Variants in NBAS observed in about 807,000 individuals in gnomAD.
NBAS encodes the protein NBAS subunit of NRZ tethering complex.
Under a neutral mutation model 302.5 loss-of-function variants are expected in NBAS, and 219 were observed. The observed-to-expected ratio is 0.72, with a 90% CI of 0.65 to 0.81. NBAS has a LOEUF of 0.81. Ranked by LOEUF, NBAS falls within the 30% of genes least tolerant of loss-of-function variation. The pLI is 0.00. For synonymous variants in NBAS, 1,118 were observed against 1,021.6 expected, an observed-to-expected ratio of 1.09 and a Z score of -1.80; for missense variants, 2,932 against 2,841.6, an observed-to-expected ratio of 1.03 and a Z score of -0.72.
intron 47 of NBAS, 111 bp from the exon 48 acceptor site, chr2:15,219,079 T>C: frequency 7.4e-7 from 1 of 1,353,496 alleles, no homozygotes; most frequent in Non-Finnish European, 1.0e-6. Context: ...ATGACTTCGT[T>C]TTTTTCCTCT....
the NBAS span, among the ~76,000 whole-genome samples, chr2:14,839,034 T>C: frequency 4.3e-4 from 65 of 152,062 alleles, 1 homozygote; most frequent in African/African-American, 1.4e-3. Flanking sequence ...AAAGGGCACA[T>C]GTGAGGACTT....
chr2:14,829,954 C>T, the NBAS span, among the ~76,000 whole-genome samples: 1 of 152,090 alleles, frequency 6.6e-6, no homozygotes, highest in South Asian at 2.1e-4. Context: ...CTTTCAGTTG[C>T]AAGTAACAGA....
intron 30 of NBAS, among the ~76,000 whole-genome samples, chr2:15,378,163 C>T (rs1306464615): frequency 6.6e-6 from 1 of 152,050 alleles, no homozygotes; most frequent in Non-Finnish European, 1.5e-5. Context: ...AAACTCAGGG[C>T]CTCAGAAAAA....
chr2:15,128,963 G>A, the NBAS span, among the ~76,000 whole-genome samples: 3 of 152,202 alleles, frequency 2.0e-5, no homozygotes, highest in Non-Finnish European at 4.4e-5. Context: ...GAGATAGAGG[G>A]AAAGGGTCCA....
At chr2:14,842,869 T>G in the NBAS span, among the ~76,000 whole-genome samples, 1 of 143,756 alleles carries the variant, frequency 7.0e-6, no homozygotes, top group Non-Finnish European at 1.5e-5. Flanking sequence ...AAAAAACATA[T>G]ACAGCAATAT....
chr2:15,216,059 C>T (rs1398408922), intron 48 of NBAS, among the ~76,000 whole-genome samples: 3 of 152,104 alleles, frequency 2.0e-5, no homozygotes, highest in African/African-American at 7.2e-5. Context: ...GTCATTTTCC[C>T]CCATCAAATG....
the NBAS span, among the ~76,000 whole-genome samples, chr2:14,824,574 T>C: frequency 6.6e-6 from 1 of 152,134 alleles, no homozygotes; most frequent in Non-Finnish European, 1.5e-5. Flanking sequence ...CAGCAGCAGC[T>C]TATTAAAAAT....
At chr2:15,343,220 C>T (rs1214563171) in intron 35 of NBAS, among the ~76,000 whole-genome samples, 2 of 152,136 alleles carry the variant, frequency 1.3e-5, no homozygotes, top group African/African-American at 4.8e-5. Context: ...CCTTCACTGG[C>T]TCCATGTATG....
At chr2:15,163,035 C>T (rs1353828376), downstream of NBAS, among the ~76,000 whole-genome samples, 10 of 152,214 alleles carry the variant, frequency 6.6e-5, no homozygotes, top group Non-Finnish European at 1.3e-4. Context: ...TCTCGTGCCA[C>T]GGGCCTGCCG....
chr2:14,934,255 C>T, the NBAS span, among the ~76,000 whole-genome samples: 3 of 152,266 alleles, frequency 2.0e-5, no homozygotes, highest in Middle Eastern at 3.4e-3. Context: ...TTCTTTATGA[C>T]TTTTAAATAT....
chr2:14,927,028 G>T, the NBAS span, among the ~76,000 whole-genome samples: 1 of 152,220 alleles, frequency 6.6e-6, no homozygotes, highest in African/African-American at 2.4e-5. Context: ...CATCCAATCA[G>T]TTGAAGGCCT....
At chr2:15,508,110 A>G (rs1399384431) in intron 10 of NBAS, among the ~76,000 whole-genome samples, 1 of 152,252 alleles carries the variant, frequency 6.6e-6, no homozygotes, top group East Asian at 1.9e-4. Context: ...TTTCAAGTTT[A>G]GCTGCAAGAC....
rs78700768 is a variant in NBAS, at chr2:15,459,969, A to G, written c.2339+1232T>C. Among the ~76,000 whole-genome samples the G allele has an allele frequency of 8.3e-3, 1,255 of 152,016 alleles. 21 individuals carry two copies. Among genetic ancestry groups the G allele is most frequent in the East Asian group, 0.059 (303 of 5,176 alleles). On this transcript the variant is annotated intron_variant, in intron 21 of 51. Coordinates refer to ENST00000281513, the MANE Select transcript of NBAS (RefSeq NM_015909.4). Reference sequence around the variant, plus strand: ...CTTCTGTAAATCTCAGCTTTCTGTAATAACAGGGTAATACCAAAATTATTT... The same window carrying G: ...CTTCTGTAAATCTCAGCTTTCTGTAGTAACAGGGTAATACCAAAATTATTT...
At chr2:15,511,532 A>G (rs1662146189) in intron 9 of NBAS, among the ~76,000 whole-genome samples, 182 bp from the exon 10 acceptor site, 1 of 152,248 alleles carries the variant, frequency 6.6e-6, no homozygotes, top group Admixed American at 6.5e-5. Flanking sequence ...TTTTTCAATT[A>G]GAATTTCACC....
chr2:15,536,282 C>T (rs1663506864), intron 8 of NBAS, 136 bp downstream of exon 8: 1 of 1,001,216 alleles, frequency 1.0e-6, no homozygotes, highest in Non-Finnish European at 1.5e-6. Flanking sequence ...CACCACACCA[C>T]TCTTTCAAAT....
chr2:15,497,998 A>T (rs1256185725), intron 11 of NBAS, among the ~76,000 whole-genome samples: 2 of 152,230 alleles, frequency 1.3e-5, no homozygotes, highest in African/African-American at 4.8e-5. Flanking sequence ...AAGGAACTAA[A>T]ATTTTACAAC....
the NBAS span, among the ~76,000 whole-genome samples, chr2:14,929,212 C>G: frequency 8.0e-4 from 122 of 152,292 alleles, no homozygotes; most frequent in Non-Finnish European, 1.5e-3. Context: ...CTTTCAGGAG[C>G]TCTCTAGGTA....
At chr2:15,395,417 A>G (rs1002849737) in intron 27 of NBAS, among the ~76,000 whole-genome samples, 5 of 152,142 alleles carry the variant, frequency 3.3e-5, no homozygotes, top group Non-Finnish European at 5.9e-5. Context: ...AAGCCAACCT[A>G]TAATAGGAAA....
chr2:15,024,626 T>A, the NBAS span, among the ~76,000 whole-genome samples: 1 of 152,138 alleles, frequency 6.6e-6, no homozygotes, highest in Non-Finnish European at 1.5e-5. Flanking sequence ...CTCACTAACA[T>A]CTGTTATTTT....
Sources: allele counts gnomAD v4.1 joint callset (sites outside exome capture counted in the v4.1 genomes callset), GRCh38; gene constraint gnomAD v4.1.1; transcripts MANE v1.5; gene names NCBI Gene and HGNC (gene_info 2026-07-23, HGNC 2026-07-21).